Variants in DDX54 observed in about 807,000 individuals in gnomAD.
DDX54 encodes ATP-dependent RNA helicase DDX54.
In DDX54, 67 loss-of-function variants were observed where a neutral mutation model predicts 105.5. That is an observed-to-expected ratio of 0.64 (90% CI 0.52 to 0.78). The LOEUF is 0.78. DDX54 is among the 30% of genes least tolerant of loss of function. DDX54 has a pLI of 0.00. For missense variants in DDX54, 1,206 were observed against 1,230.5 expected (o/e 0.98, Z 0.30); for synonymous variants, 514 against 509.9 (o/e 1.01, Z -0.11).
chr12:113,161,314 C>A lies in DDX54; in HGVS notation c.2369G>T (p.Arg790Leu). Residue 790 changes from arginine to leucine, a missense_variant, in exon 19 of 20, where the codon CGG becomes CTG. Transcript: ENST00000306014. ...CCCACCTCTTCGCTCTGGGCCTCGC[C>A]GGTCAGATGCCCCTTCTTCGTCCGA... ...RDSDEEGASD[R>L]RGPERRGGKR... 1.2e-6 allele frequency: 2 copies of A among 1,613,676 alleles called. No individual in the cohort carries two copies. The highest frequency in any genetic ancestry group is 2.2e-5 in the South Asian group (2 of 90,960).
At chr12:113,161,794 T>A in intron 18 of DDX54, 99 bp downstream of exon 18, 1 of 82,322 alleles carries the variant, frequency 1.2e-5, no homozygotes, top group Non-Finnish European at 2.4e-5. Context: ...CGCCCCCTCC[T>A]CCCCGCCCCC....
rs976674067 is a variant in DDX54, at chr12:113,158,840, A to C, written c.*37T>G. ...GGAACGTCTGCTGATGCCCACCCTA[A>C]GGCCAATCAAGGAGCCACGGGGCTG... On this transcript the variant is annotated 3_prime_UTR_variant, in exon 20 of 20. Coordinates refer to ENST00000306014, the MANE Select transcript of DDX54 (RefSeq NM_024072.4). This position sits in a 1 kb window ranked among gnomAD's most constrained non-coding sequence, Gnocchi z 4.9. 1 of 1,556,528 alleles carries C rather than the reference A, an allele frequency of 6.4e-7. No homozygotes were observed. Among genetic ancestry groups the C allele is most frequent in the Non-Finnish European group, 8.7e-7 (1 of 1,145,850 alleles).
chr12:113,172,712 G>T, intron 10 of DDX54, 149 bp from the exon 11 acceptor site: 1 of 912,840 alleles, frequency 1.1e-6, no homozygotes, highest in Non-Finnish European at 1.7e-6. Context: ...ATCCCAGCTT[G>T]CTGGGTGATG....
intron 10 of DDX54, among the ~76,000 whole-genome samples, chr12:113,173,948 T>A (rs922285006): frequency 6.6e-6 from 1 of 152,154 alleles, no homozygotes; most frequent in African/African-American, 2.4e-5. Context: ...TTTAGGAGGC[T>A]GAGACGGGCA....
At chr12:113,168,025 CA>C (rs777713101) in intron 12 of DDX54, 3 of 467,778 alleles carry the variant, frequency 6.4e-6, no homozygotes, top group Non-Finnish European at 1.3e-5. Flanking sequence ...GCGCCCCTTC[CA>C]ATTCACCCCT....
At chr12:113,173,352 C>T (rs768848580) in intron 10 of DDX54, among the ~76,000 whole-genome samples, 1 of 152,024 alleles carries the variant, frequency 6.6e-6, no homozygotes, top group Non-Finnish European at 1.5e-5. Context: ...GCAAAACTCT[C>T]TCTAAAAAAA....
At chr12:113,166,232 C>T (rs1022510947) in intron 12 of DDX54, among the ~76,000 whole-genome samples, 200 bp from the exon 13 acceptor site, 3 of 152,160 alleles carry the variant, frequency 2.0e-5, no homozygotes, top group Admixed American at 2.0e-4. Context: ...CAACAAACTG[C>T]GGCCGGCCGG....
chr12:113,170,930 G>C (rs533625357), intron 11 of DDX54, among the ~76,000 whole-genome samples: 1 of 152,322 alleles, frequency 6.6e-6, no homozygotes, highest in South Asian at 2.1e-4. Flanking sequence ...CACCCAATAT[G>C]ATTGCAATTT....
At position 113,185,413 on chromosome 12, in the gene DDX54, CGACCGAGGTCCAGCCGCCGG is replaced by C; in HGVS notation, c.19_38del (p.Pro7AlafsTer34). The C allele has an allele frequency of 1.3e-6, 2 of 1,530,726 alleles. No homozygotes were observed. The highest frequency in any genetic ancestry group is 1.8e-6 in the Non-Finnish European group (2 of 1,141,852). 94.8% of individuals were successfully genotyped at this position (1,530,726 alleles called of 1,614,324 possible). A position where few individuals can be genotyped will look rare whatever the true frequency, so the allele number is the denominator to read the frequency against. On this transcript the variant is annotated frameshift_variant, in exon 1 of 20. Transcript: ENST00000306014. LOFTEE classifies it high-confidence loss of function. The stretch of plus-strand genomic sequence containing the variant: ...TCCTCCACTGGGCCATGGCAGCTCG[CGACCGAGGTCCAGCCGCCGG>C]GCCCTTGTCGGCCGCCATTCGGGCC...
In DDX54 at chr12:113,172,359, G is replaced by A. The variant is rs753775513; in HGVS notation, c.1273C>T (p.Arg425Cys). Residue 425 changes from arginine (R) to cysteine (C), a missense_variant, in exon 11 of 20, where the codon CGC (arginine) becomes TGC (cysteine). This residue lies in a region of DDX54 where 961 missense variants were observed against 1,019.1 expected (regional missense o/e 0.94). Coordinates refer to ENST00000306014, the MANE Select transcript of DDX54 (RefSeq NM_024072.4). ...CCAGCCACGGGCTGCTTACCCACGC[G>A]GTGCAGGAAGAGTTTGCCCTTGGCG... ...FPAKGKLFLH[R>C]VGRVARAGRS... 49 of 1,613,646 alleles carry A rather than the reference G, an allele frequency of 3.0e-5. No homozygotes were observed. Among genetic ancestry groups the A allele is most frequent in the East Asian group, 1.3e-4 (6 of 44,876 alleles).
intron 10 of DDX54, among the ~76,000 whole-genome samples, chr12:113,174,020 G>C (rs538563540): frequency 9.6e-4 from 146 of 152,094 alleles, no homozygotes; most frequent in African/African-American, 3.4e-3. Context: ...CCGTCTCCAT[G>C]AGAAATACAA....
chr12:113,158,733 C>T lies in DDX54; in HGVS notation c.*144G>A, dbSNP rs1952166720. The T allele has an allele frequency of 5.6e-6, 5 of 886,718 alleles. No individual in the cohort carries two copies. The highest frequency in any genetic ancestry group is 6.7e-6 in the Non-Finnish European group (4 of 595,936). 54.9% of individuals were successfully genotyped at this position (886,718 alleles called of 1,614,324 possible). A position where few individuals can be genotyped will look rare whatever the true frequency, so the allele number is the denominator to read the frequency against. ...CAGCTGCTGCCCTTCTGTGGCCATACAGTGCTCCTTTTCACAGATGATGGC... is the reference window on the plus strand; with the variant it reads ...CAGCTGCTGCCCTTCTGTGGCCATATAGTGCTCCTTTTCACAGATGATGGC... On this transcript the variant is annotated 3_prime_UTR_variant, in exon 20 of 20. Transcript: ENST00000306014. The surrounding 1 kb of genome is among the most constrained non-coding windows in gnomAD (Gnocchi z 4.9).
chr12:113,182,208 C>A (rs531060156), intron 1 of DDX54, among the ~76,000 whole-genome samples: 4 of 152,144 alleles, frequency 2.6e-5, no homozygotes, highest in Non-Finnish European at 5.9e-5. Flanking sequence ...CAAGGTCACA[C>A]AGCCAGCAGG....
At chr12:113,182,564 CTT>C (rs1184368637) in intron 1 of DDX54, among the ~76,000 whole-genome samples, 1 of 145,376 alleles carries the variant, frequency 6.9e-6, no homozygotes. Context: ...CAGTCTTCTT[CTT>C]TTTTTTTTTT....
At chr12:113,181,961 T>A (rs981770258) in intron 1 of DDX54, among the ~76,000 whole-genome samples, 4 of 151,094 alleles carry the variant, frequency 2.6e-5, no homozygotes, top group African/African-American at 7.3e-5. Context: ...CAGACTAGCC[T>A]GGGCAACATG....
chr12:113,185,145 C>T, intron 1 of DDX54, 133 bp downstream of exon 1: 1 of 1,194,134 alleles, frequency 8.4e-7, no homozygotes, highest in Non-Finnish European at 1.1e-6. Context: ...GTCCCAAGAC[C>T]GGTCCTCGGG....
chr12:113,166,718 AC>A lies in DDX54; in HGVS notation c.1415-687del, dbSNP rs201874494. ...CTTTGTCTCTCTTAAAAACAAAAAA[AC>A]AAAAACAAAAAACAAACAACAGCAA... On this transcript the variant is annotated intron_variant, in intron 12 of 19. Transcript: ENST00000306014. 4.5e-4 allele frequency among the ~76,000 whole-genome samples: 68 copies of A among 152,192 alleles called. 1 individual carries two copies. The highest frequency in any genetic ancestry group is 1.5e-3 in the African/African-American group (62 of 41,508).
Position 113,179,298 on chromosome 12 carries a change from C to G in DDX54, c.409G>C (p.Val137Leu). ...IPVILDGKDV[V>L]AMARTGSGKT... ...CCACTGCCCGTCCGGGCCATGGCCA[C>G]CACGTCCTTGCCATCCAAGATCACC... Residue 137 changes from valine (V) to leucine (L), a missense_variant, in exon 4 of 20, where the codon GTG becomes CTG. By Grantham distance (32) the Val-to-Leu change is conservative (BLOSUM62 1). Coordinates refer to ENST00000306014, the MANE Select transcript of DDX54 (RefSeq NM_024072.4). The G allele has an allele frequency of 6.2e-7, 1 of 1,613,878 alleles. No individual in the cohort carries two copies. Among genetic ancestry groups the G allele is most frequent in the South Asian group, 1.1e-5 (1 of 91,080 alleles).
chr12:113,183,437 G>C (rs1952488731), intron 1 of DDX54, among the ~76,000 whole-genome samples: 2 of 152,266 alleles, frequency 1.3e-5, no homozygotes, highest in Admixed American at 1.3e-4. Flanking sequence ...GGCTAGGCTG[G>C]AAGATGAGAG....
Sources: gnomAD v4.1 joint callset for allele counts (sites outside exome capture counted in the v4.1 genomes callset) on GRCh38, gnomAD v4.1.1 for gene constraint, gnomAD v4.1.1 regional missense constraint, Gnocchi (gnomAD v3.1) non-coding constraint, MANE v1.5 for transcripts, NCBI Gene and HGNC (gene_info 2026-07-23, HGNC 2026-07-21) for gene names.